Variants in PTGFR observed in about 807,000 individuals in gnomAD.
PTGFR encodes prostaglandin F receptor, also known as prostaglandin F2-alpha receptor.
In PTGFR, 15 loss-of-function variants were observed where a neutral mutation model predicts 26.2. That is an observed-to-expected ratio of 0.57 (90% CI 0.38 to 0.88). The LOEUF (loss-of-function observed/expected upper bound fraction) is 0.88, where lower values mean the gene tolerates loss of function less well. PTGFR is among the 40% of genes least tolerant of loss of function. The probability of loss-of-function intolerance (pLI) is 0.00; values close to 1 mark genes in which losing one functional copy is unlikely to be tolerated. For synonymous variants in PTGFR, 165 were observed against 151.1 expected, an observed-to-expected ratio of 1.09 and a Z score of -0.68; for missense variants, 369 against 427.2, an observed-to-expected ratio of 0.86 and a Z score of 1.20.
intron 2 of PTGFR, among the ~76,000 whole-genome samples, chr1:78,521,113 G>A (rs533560205): frequency 1.3e-5 from 2 of 152,122 alleles, no homozygotes; most frequent in African/African-American, 4.8e-5. Flanking sequence ...ACTCCCTTCT[G>A]TACCAGCTGT....
At chr1:78,535,399 A>G (rs2100405250) in intron 2 of PTGFR, among the ~76,000 whole-genome samples, 1 of 152,262 alleles carries the variant, frequency 6.6e-6, no homozygotes, top group East Asian at 1.9e-4. Context: ...AAGAACATTT[A>G]TTCTTCAACC....
chr1:78,506,261 CATT>C (rs1649826204), intron 2 of PTGFR, among the ~76,000 whole-genome samples: 1 of 151,852 alleles, frequency 6.6e-6, no homozygotes, highest in Admixed American at 6.5e-5. Flanking sequence ...CATGGTAACT[CATT>C]GTAGTTTGAG....
chr1:78,520,031 A>C (rs1459596165), intron 2 of PTGFR, among the ~76,000 whole-genome samples: 1 of 151,886 alleles, frequency 6.6e-6, no homozygotes, highest in Non-Finnish European at 1.5e-5. Context: ...GGTTTATACC[A>C]CTTCCTTTCT....
intron 2 of PTGFR, among the ~76,000 whole-genome samples, chr1:78,498,539 A>G (rs1308955519): frequency 6.6e-6 from 1 of 152,178 alleles, no homozygotes; most frequent in African/African-American, 2.4e-5. Context: ...AATTTAAAAA[A>G]TTAACCCATT....
At chr1:78,503,844 T>G (rs769817858) in intron 2 of PTGFR, among the ~76,000 whole-genome samples, 1 of 152,232 alleles carries the variant, frequency 6.6e-6, no homozygotes, top group Non-Finnish European at 1.5e-5. Context: ...AAGAACATTG[T>G]TGTAGCAGCA....
At chr1:78,521,066 C>T (rs1398161840) in intron 2 of PTGFR, among the ~76,000 whole-genome samples, 1 of 152,056 alleles carries the variant, frequency 6.6e-6, no homozygotes, top group African/African-American at 2.4e-5. Context: ...TGGCTCCTCT[C>T]TCTTAATTTC....
intron 2 of PTGFR, among the ~76,000 whole-genome samples, chr1:78,512,337 G>A (rs1281757150): frequency 6.6e-6 from 1 of 152,190 alleles, no homozygotes; most frequent in Non-Finnish European, 1.5e-5. Context: ...AAAGAAAAGA[G>A]GTTGAATTGG....
rs1454321675 is a variant in PTGFR at position 78,493,095 on chromosome 1, T to C, written c.352T>C (p.Ser118Pro). 2.5e-6 allele frequency: 4 copies of C among 1,614,146 alleles called. No homozygotes were observed. Among genetic ancestry groups the C allele is most frequent in the Non-Finnish European group, 3.4e-6 (4 of 1,180,060 alleles). The change falls in exon 2 of 3, where the codon TCT becomes CCT. Residue 118 changes from serine to proline, a missense_variant. Coordinates refer to ENST00000370757, the MANE Select transcript of PTGFR (RefSeq NM_000959.4). ...CSIFGICMVFSGLCPLLLGSV... is the reference protein window; with the variant it reads ...CSIFGICMVFPGLCPLLLGSV... ...TATTTTTGGTATCTGCATGGTGTTT[T>C]CTGGTCTGTGCCCACTTCTTCTAGG...
chr1:78,496,430 A>G lies in PTGFR; in HGVS notation c.798+2889A>G, dbSNP rs116383293. Among the ~76,000 whole-genome samples, 1,502 of 152,304 alleles carry G rather than the reference A, an allele frequency of 9.9e-3. 31 individuals are homozygous for G. Among genetic ancestry groups the G allele is most frequent in the African/African-American group, 0.034 (1,428 of 41,572 alleles). Reference sequence around the variant, plus strand: ...TGTAATAGTGACAGCTTCCAGGTCAATGCCCTATTTCATACCATGTGCCTT... The same window carrying G: ...TGTAATAGTGACAGCTTCCAGGTCAGTGCCCTATTTCATACCATGTGCCTT... On this transcript the variant is annotated intron_variant, in intron 2 of 2. Transcript: ENST00000370757.
At chr1:78,527,558 A>G (rs1650402135) in intron 2 of PTGFR, among the ~76,000 whole-genome samples, 1 of 152,120 alleles carries the variant, frequency 6.6e-6, no homozygotes, top group Non-Finnish European at 1.5e-5. Context: ...GAGAGAGAGA[A>G]AAAAAGACTC....
At chr1:78,503,233 T>TAA (rs149529037) in intron 2 of PTGFR, among the ~76,000 whole-genome samples, 19,154 of 151,908 alleles carry the variant, frequency 0.13, 2,101 homozygotes, top group African/African-American at 0.31. Flanking sequence ...GTAGAAAAAT[T>TAA]GTCAGATAAT....
At chr1:78,492,494 A>T (rs535581047) in intron 1 of PTGFR, among the ~76,000 whole-genome samples, 178 bp from the exon 2 acceptor site, 1 of 152,326 alleles carries the variant, frequency 6.6e-6, no homozygotes, top group African/African-American at 2.4e-5. Context: ...CAGCTTCTTC[A>T]CCTTGAAAAT....
At chr1:78,496,558 C>G (rs1027975110) in intron 2 of PTGFR, among the ~76,000 whole-genome samples, 2 of 151,974 alleles carry the variant, frequency 1.3e-5, no homozygotes, top group African/African-American at 4.8e-5. Context: ...CAAACTGGAA[C>G]GAAGGTAGAG....
At chr1:78,528,357 A>G (rs1650425703) in intron 2 of PTGFR, among the ~76,000 whole-genome samples, 1 of 151,462 alleles carries the variant, frequency 6.6e-6, no homozygotes, top group Admixed American at 6.6e-5. Flanking sequence ...CTTTTGACCA[A>G]ACAACAAGAT....
At chr1:78,508,909 T>C (rs1649889828) in intron 2 of PTGFR, among the ~76,000 whole-genome samples, 1 of 152,176 alleles carries the variant, frequency 6.6e-6, no homozygotes, top group Non-Finnish European at 1.5e-5. Context: ...TTCTTTTTAC[T>C]GAGGTGATTT....
At position 78,536,397 on chromosome 1, in the gene PTGFR, C is replaced by T. The variant is rs775458314; in HGVS notation, c.799-9C>T. On this transcript the variant is annotated splice_polypyrimidine_tract_variant and intron_variant, in intron 2 of 2. Coordinates refer to ENST00000370757, the MANE Select transcript of PTGFR (RefSeq NM_000959.4). ...CATCAACTAATTTCCGTGTTTTCTT[C>T]GTTTCTAGGTTACAATGGCCAACAT... 13 of 1,592,058 alleles carry T rather than the reference C, an allele frequency of 8.2e-6. No individual in the cohort carries two copies. Among genetic ancestry groups the T allele is most frequent in the East Asian group, 4.5e-5 (2 of 44,658 alleles).
At chr1:78,499,035 C>T (rs1427041738) in intron 2 of PTGFR, among the ~76,000 whole-genome samples, 1 of 152,146 alleles carries the variant, frequency 6.6e-6, no homozygotes, top group African/African-American at 2.4e-5. Flanking sequence ...CGTGGGAATT[C>T]AGGCAGCTTT....
intron 2 of PTGFR, among the ~76,000 whole-genome samples, chr1:78,519,655 G>C (rs1455339764): frequency 1.3e-5 from 2 of 152,128 alleles, no homozygotes; most frequent in Non-Finnish European, 2.9e-5. Flanking sequence ...GTTTATTTGG[G>C]GAGGCATGAA....
At position 78,523,791 on chromosome 1, in the gene PTGFR, T is replaced by A. The variant is rs141068128; in HGVS notation, c.799-12615T>A. Among the ~76,000 whole-genome samples the A allele has an allele frequency of 5.7e-3, 869 of 152,256 alleles. 14 individuals are homozygous for A. The highest frequency in any genetic ancestry group is 0.02 in the African/African-American group (814 of 41,566). On this transcript the variant is annotated intron_variant, in intron 2 of 2. Coordinates refer to ENST00000370757, the MANE Select transcript of PTGFR (RefSeq NM_000959.4). ...ACTTGTAAATGAGTGATATTTTAAATGTTTGTTAGTTGGGGTCTGTCTGCA... is the reference window on the plus strand; with the variant it reads ...ACTTGTAAATGAGTGATATTTTAAAAGTTTGTTAGTTGGGGTCTGTCTGCA...
Sources: allele counts gnomAD v4.1 joint callset (sites outside exome capture counted in the v4.1 genomes callset), GRCh38; gene constraint gnomAD v4.1.1; transcripts MANE v1.5; gene names NCBI Gene and HGNC (gene_info 2026-07-23, HGNC 2026-07-21).